CEP57L1: variants seen among roughly 807,000 people sequenced by gnomAD.
CEP57L1 encodes centrosomal protein CEP57L1.
Under a neutral mutation model 61.0 loss-of-function variants are expected in CEP57L1, and 37 were observed. The observed-to-expected ratio is 0.61, with a 90% confidence interval of 0.47 to 0.80. The LOEUF (loss-of-function observed/expected upper bound fraction) is 0.80, where lower values mean the gene tolerates loss of function less well. Ranked by LOEUF, CEP57L1 falls within the 30% of genes least tolerant of loss-of-function variation. The probability of loss-of-function intolerance (pLI) is 0.00; values close to 1 mark genes in which losing one functional copy is unlikely to be tolerated. For missense variants in CEP57L1, 422 were observed against 524.7 expected, an observed-to-expected ratio of 0.80 and a Z score of 1.91; for synonymous variants, 137 against 162.3, an observed-to-expected ratio of 0.84 and a Z score of 1.19.
chr6:109,098,092 G>T (rs1197160849), intron 1 of CEP57L1, among the ~76,000 whole-genome samples: 1 of 151,966 alleles, frequency 6.6e-6, no homozygotes, highest in Non-Finnish European at 1.5e-5. Context: ...CGCAGATGAG[G>T]GCATGATCTG....
intron 7 of CEP57L1, chr6:109,158,527 G>A (rs559673749): frequency 9.7e-6 from 4 of 410,324 alleles, no homozygotes; most frequent in Middle Eastern, 3.6e-4. Context: ...CAGGTTTTTA[G>A]CTATTACAAA....
At chr6:109,128,254 C>G (rs1239651724) in intron 1 of CEP57L1, among the ~76,000 whole-genome samples, 1 of 152,142 alleles carries the variant, frequency 6.6e-6, no homozygotes, top group Admixed American at 6.5e-5. Context: ...CTTGTAGCCC[C>G]TTTTATATTA....
intron 1 of CEP57L1, among the ~76,000 whole-genome samples, chr6:109,135,367 A>G (rs1774738626): frequency 6.6e-6 from 1 of 152,208 alleles, no homozygotes; most frequent in Non-Finnish European, 1.5e-5. Flanking sequence ...CCATATGTAG[A>G]AAGCTGAAAC....
At chr6:109,125,524 A>ATATACACATATATATATATATT (rs1562524338) in intron 1 of CEP57L1, among the ~76,000 whole-genome samples, 2 of 142,994 alleles carry the variant, frequency 1.4e-5, no homozygotes, top group Admixed American at 6.9e-5. Flanking sequence ...ATATATATAT[A>ATATACACATATATATATATATT]TTTTTTTTTT....
chr6:109,161,995 G>A (rs72937091), intron 10 of CEP57L1, among the ~76,000 whole-genome samples: 16,173 of 151,960 alleles, frequency 0.11, 1,260 homozygotes, highest in Non-Finnish European at 0.17. Flanking sequence ...AATTGATTTT[G>A]GCTAGTTGAT....
intron 10 of CEP57L1, among the ~76,000 whole-genome samples, chr6:109,161,915 C>T (rs763524107): frequency 7.9e-5 from 12 of 152,150 alleles, no homozygotes; most frequent in Non-Finnish European, 1.6e-4. Flanking sequence ...CCCCCAAAGT[C>T]TGGATCAGCT....
chr6:109,161,863 G>A (rs1339908619), intron 10 of CEP57L1, among the ~76,000 whole-genome samples: 2 of 152,008 alleles, frequency 1.3e-5, no homozygotes, highest in Non-Finnish European at 2.9e-5. Flanking sequence ...TGTAATATCT[G>A]TAATAAAAAT....
Position 109,163,012 on chromosome 6 carries a change from G to A in CEP57L1, c.*42G>A. 2 of 1,249,172 alleles carry A rather than the reference G, an allele frequency of 1.6e-6. No individual in the cohort carries two copies. The highest frequency in any genetic ancestry group is 4.7e-5 in the East Asian group (2 of 42,408). The allele number at this position is 1,249,172 out of a possible 1,614,324, so 77.4% of individuals were successfully genotyped here. On this transcript the variant is annotated 3_prime_UTR_variant, in exon 11 of 11. Transcript: ENST00000517392. Reference sequence around the variant, plus strand: ...TCACCTTAATGAACTTTGTCAGTGAGACCTTGAATTGTCTAAAGTGGTTTT... The same window carrying A: ...TCACCTTAATGAACTTTGTCAGTGAAACCTTGAATTGTCTAAAGTGGTTTT...
intron 1 of CEP57L1, among the ~76,000 whole-genome samples, chr6:109,120,545 A>G (rs1772826053): frequency 6.6e-6 from 1 of 152,130 alleles, no homozygotes; most frequent in African/African-American, 2.4e-5. Context: ...TTTTACTTTC[A>G]TTTTGTGACT....
chr6:109,120,353 T>C (rs570752432), intron 1 of CEP57L1, among the ~76,000 whole-genome samples: 4 of 152,342 alleles, frequency 2.6e-5, no homozygotes, highest in Non-Finnish European at 5.9e-5. Flanking sequence ...TAGAATCTGA[T>C]GAACCTTTTT....
At chr6:109,147,554 T>C (rs1268351159) in intron 3 of CEP57L1, among the ~76,000 whole-genome samples, 2 of 151,948 alleles carry the variant, frequency 1.3e-5, no homozygotes, top group African/African-American at 4.8e-5. Context: ...AGGCTCAAGT[T>C]TGTGTTTCAA....
chr6:109,163,058 C>A lies in CEP57L1; in HGVS notation c.*88C>A. ...GTTTTAATTTAATATAACTTTGTGA[C>A]ATTTTGAATCATGTTTCTAGTTTCT... On this transcript the variant is annotated 3_prime_UTR_variant, in exon 11 of 11. Coordinates refer to ENST00000517392, the MANE Select transcript of CEP57L1 (RefSeq NM_001271852.3). The A allele has an allele frequency of 2.5e-6, 2 of 794,206 alleles. No individual in the cohort carries two copies. Among genetic ancestry groups the A allele is most frequent in the Non-Finnish European group, 4.0e-6 (2 of 497,348 alleles). The allele number at this position is 794,206 out of a possible 1,614,324, so 49.2% of individuals were successfully genotyped here.
intron 1 of CEP57L1, among the ~76,000 whole-genome samples, chr6:109,144,687 A>G (rs550975621): frequency 6.6e-6 from 1 of 152,120 alleles, no homozygotes; most frequent in Non-Finnish European, 1.5e-5. Flanking sequence ...ATGCTAATAC[A>G]TTAAGCAGAG....
rs1026741719 is a variant in CEP57L1, at chr6:109,171,169, G to A, written c.*8199G>A. Among the ~76,000 whole-genome samples the A allele has an allele frequency of 6.6e-6, 1 of 151,866 alleles. No individual in the cohort carries two copies. The highest frequency in any genetic ancestry group is 6.6e-5 in the Admixed American group (1 of 15,252). ...AAAGAGGGCTGTGCCTTTGGTGTTT[G>A]GGTATGATATATTTGCCTGTGATTT... On this transcript the variant is annotated 3_prime_UTR_variant, in exon 11 of 11. Coordinates refer to ENST00000517392, the MANE Select transcript of CEP57L1 (RefSeq NM_001271852.3).
chr6:109,165,780 G>A lies in CEP57L1; in HGVS notation c.*2810G>A, dbSNP rs1436387591. 1 of 152,224 alleles carries A rather than the reference G, an allele frequency of 6.6e-6. No homozygotes were observed. Among genetic ancestry groups the A allele is most frequent in the Non-Finnish European group, 1.5e-5 (1 of 68,052 alleles). 9.4% of individuals were successfully genotyped at this position (152,224 alleles called of 1,614,324 possible). ...GCTTGCCAGAGCCTTTGACTCCTCA[G>A]GGGGTGGAGCAAAAGATTTCTTTCC... On this transcript the variant is annotated 3_prime_UTR_variant, in exon 11 of 11. Coordinates refer to ENST00000517392, the MANE Select transcript of CEP57L1 (RefSeq NM_001271852.3).
chr6:109,173,651 CT>C lies in CEP57L1; in HGVS notation c.*10682del, dbSNP rs1232104897. Among the ~76,000 whole-genome samples, 6 of 150,942 alleles carry C rather than the reference CT, an allele frequency of 4.0e-5. No individual in the cohort carries two copies. Among genetic ancestry groups the C allele is most frequent in the African/African-American group, 1.5e-4 (6 of 41,090 alleles). On this transcript the variant is annotated 3_prime_UTR_variant, in exon 11 of 11. Coordinates refer to ENST00000517392, the MANE Select transcript of CEP57L1 (RefSeq NM_001271852.3). ...ACGCGGTCTCACTTTGCTGCCCAGGCTGGTCTCAAACTCTGGGCTCAAGCAA... is the reference window on the plus strand; with the variant it reads ...ACGCGGTCTCACTTTGCTGCCCAGGCGGTCTCAAACTCTGGGCTCAAGCAA...
chr6:109,162,719 C>T, intron 10 of CEP57L1, 30 bp from the exon 11 acceptor site: 2 of 1,436,202 alleles, frequency 1.4e-6, no homozygotes, highest in Non-Finnish European at 1.9e-6. Flanking sequence ...ATATTTTTGA[C>T]TAAAATGTTA....
chr6:109,124,971 T>G (rs534452684), intron 1 of CEP57L1: 2 of 152,202 alleles, frequency 1.3e-5, no homozygotes, highest in Non-Finnish European at 2.9e-5. Context: ...GATTGCTTTG[T>G]TGTTTCTTAT....
At chr6:109,116,167 ATGTTATGTTATGT>A (rs1403553847) in intron 1 of CEP57L1, among the ~76,000 whole-genome samples, 2 of 150,238 alleles carry the variant, frequency 1.3e-5, no homozygotes, top group Non-Finnish European at 3.0e-5. Flanking sequence ...ATGTTATGTT[ATGTTATGTTATGT>A]TATGTTACTT....
Sources: gnomAD v4.1 joint callset for allele counts (sites outside exome capture counted in the v4.1 genomes callset) on GRCh38, gnomAD v4.1.1 for gene constraint, MANE v1.5 for transcripts, NCBI Gene and HGNC (gene_info 2026-07-23, HGNC 2026-07-21) for gene names.